Variants in HNF4G observed in about 807,000 individuals in gnomAD.
The protein encoded by HNF4G is hepatocyte nuclear factor 4 gamma.
A neutral mutation model predicts 50.9 loss-of-function variants in HNF4G; 21 were observed. The ratio of observed to expected loss-of-function variants is 0.41; its 90% CI spans 0.29 to 0.59. HNF4G has a LOEUF of 0.59. HNF4G is among the 20% of genes least tolerant of loss of function. HNF4G has a pLI of 0.26. For synonymous variants in HNF4G, 198 were observed against 185.6 expected (o/e 1.07, Z -0.54); for missense variants, 527 against 559.4 (o/e 0.94, Z 0.58).
At chr8:75,550,608 C>T (rs1400365040) in intron 3 of HNF4G, among the ~76,000 whole-genome samples, 1 of 152,020 alleles carries the variant, frequency 6.6e-6, no homozygotes, top group Admixed American at 6.6e-5. Context: ...TATTCTCTCT[C>T]TGGTAAACAT....
intron 1 of HNF4G, among the ~76,000 whole-genome samples, chr8:75,449,138 A>G (rs1811511523): frequency 6.6e-6 from 1 of 152,160 alleles, no homozygotes; most frequent in South Asian, 2.1e-4. Flanking sequence ...GTTGGATGGT[A>G]TTTGTATTTC....
chr8:75,543,384 G>A (rs1806683981), intron 1 of HNF4G, among the ~76,000 whole-genome samples: 1 of 152,052 alleles, frequency 6.6e-6, no homozygotes, highest in African/African-American at 2.4e-5. Flanking sequence ...AAGTTCTAGG[G>A]GAAAAATGAA....
upstream of HNF4G, among the ~76,000 whole-genome samples, chr8:75,536,322 T>C (rs1031259338): frequency 2.6e-5 from 4 of 152,030 alleles, no homozygotes; most frequent in Admixed American, 2.6e-4. Context: ...TGCTTCCCAA[T>C]TTAACCTTTA....
At chr8:75,449,654 C>T (rs1811531957) in intron 1 of HNF4G, among the ~76,000 whole-genome samples, 1 of 151,654 alleles carries the variant, frequency 6.6e-6, no homozygotes, top group Non-Finnish European at 1.5e-5. Context: ...CTACAGGCTC[C>T]CGCCACCACG....
chr8:75,478,646 C>T (rs1393822073), intron 1 of HNF4G, among the ~76,000 whole-genome samples: 1 of 152,168 alleles, frequency 6.6e-6, no homozygotes, highest in Non-Finnish European at 1.5e-5. Flanking sequence ...TGTATTCTTG[C>T]TCAAGCTAGT....
chr8:75,504,937 G>C (rs528060813), intron 2 of HNF4G, among the ~76,000 whole-genome samples: 2 of 151,994 alleles, frequency 1.3e-5, no homozygotes, highest in East Asian at 3.9e-4. Flanking sequence ...TATATTTGAT[G>C]GGACAAGAGA....
At chr8:75,417,053 T>C (rs1810655582) in intron 1 of HNF4G, among the ~76,000 whole-genome samples, 1 of 152,218 alleles carries the variant, frequency 6.6e-6, no homozygotes. Context: ...TATTTCTATA[T>C]ATTTATTCCG....
intron 2 of HNF4G, among the ~76,000 whole-genome samples, chr8:75,522,868 T>C (rs1806082897): frequency 6.6e-6 from 1 of 152,168 alleles, no homozygotes; most frequent in South Asian, 2.1e-4. Context: ...TCACTGGAGT[T>C]TATTTACTTT....
chr8:75,515,520 C>G (rs989287085), intron 2 of HNF4G, among the ~76,000 whole-genome samples: 4 of 152,044 alleles, frequency 2.6e-5, no homozygotes, highest in African/African-American at 9.7e-5. Context: ...CTCAGGAAAA[C>G]TAGTGTGATT....
intron 2 of HNF4G, among the ~76,000 whole-genome samples, chr8:75,508,339 G>T (rs1056066165): frequency 1.3e-5 from 2 of 149,948 alleles, no homozygotes; most frequent in African/African-American, 4.9e-5. Flanking sequence ...TTTCTGTGAG[G>T]ATTGACATGT....
At chr8:75,550,952 C>T (rs1334585078) in intron 3 of HNF4G, among the ~76,000 whole-genome samples, 5 of 151,928 alleles carry the variant, frequency 3.3e-5, no homozygotes, top group East Asian at 1.9e-4. Context: ...CATTTTTGCT[C>T]GTGTTTTATA....
chr8:75,564,819 C>G lies in HNF4G; in HGVS notation c.*723C>G, dbSNP rs1260988098. On this transcript the variant is annotated 3_prime_UTR_variant, in exon 10 of 10. Coordinates refer to ENST00000396423, the MANE Select transcript of HNF4G (RefSeq NM_004133.5). ...GAAACCCCTAAAACAGTGACTAAAT[C>G]AAGAGAGGAATCTATTTCTTTCTCC... is the stretch of plus-strand genomic sequence containing the variant. 1 of 152,134 alleles carries G rather than the reference C, an allele frequency of 6.6e-6. No individual in the cohort carries two copies. Among genetic ancestry groups the G allele is most frequent in the Non-Finnish European group, 1.5e-5 (1 of 68,012 alleles). 9.4% of individuals were successfully genotyped at this position (152,134 alleles called of 1,614,324 possible).
intron 5 of HNF4G, 90 bp downstream of exon 5, chr8:75,553,287 T>G (rs1800924): frequency 0.63 from 653,839 of 1,035,026 alleles, 211,878 homozygotes; most frequent in African/African-American, 0.93. Flanking sequence ...TAATGCATAT[T>G]CTATATTACT....
In HNF4G at chr8:75,500,999, CAT is replaced by C. The variant is rs200922253; in HGVS notation, c.-24+10792_-24+10793del. On this transcript the variant is annotated intron_variant, in intron 2 of 10. Coordinates refer to the HNF4G transcript ENST00000354370. The stretch of plus-strand genomic sequence containing the variant: ...CTAAATTATAAATAAATATAATAAA[CAT>C]GTATCTATATATAAAATGTGTTTAT... Among the ~76,000 whole-genome samples, 1,168 of 151,772 alleles carry C rather than the reference CAT, an allele frequency of 7.7e-3. 14 individuals are homozygous for C. The highest frequency in any genetic ancestry group is 0.027 in the African/African-American group (1,112 of 41,430).
chr8:75,495,568 TC>T (rs988808689), intron 2 of HNF4G: 3 of 146,324 alleles, frequency 2.1e-5, no homozygotes, highest in Non-Finnish European at 4.5e-5. Flanking sequence ...ATACAGAGTC[TC>T]CTCTGTCACC....
intron 2 of HNF4G, among the ~76,000 whole-genome samples, chr8:75,522,984 T>C (rs561098380): frequency 1.6e-4 from 25 of 152,184 alleles, no homozygotes; most frequent in African/African-American, 5.8e-4. Flanking sequence ...CCCAGCACTT[T>C]GGGAGGTCTA....
chr8:75,435,213 C>T (rs1410526915), intron 1 of HNF4G, among the ~76,000 whole-genome samples: 2 of 152,116 alleles, frequency 1.3e-5, no homozygotes, highest in East Asian at 3.9e-4. Context: ...AAATCATGAT[C>T]ACAGGTTTAT....
intron 6 of HNF4G, among the ~76,000 whole-genome samples, chr8:75,557,669 A>G (rs1267142133): frequency 2.0e-5 from 3 of 152,016 alleles, no homozygotes; most frequent in Non-Finnish European, 4.4e-5. Flanking sequence ...AATATATACA[A>G]TTCTGTTTGC....
At chr8:75,529,201 G>C (rs534668260) in intron 2 of HNF4G, among the ~76,000 whole-genome samples, 192 of 152,200 alleles carry the variant, frequency 1.3e-3, no homozygotes, top group Admixed American at 6.6e-3. Flanking sequence ...TGAGGCAGGA[G>C]AATGGCGTGA....
Sources: allele counts gnomAD v4.1 joint callset (sites outside exome capture counted in the v4.1 genomes callset), GRCh38; gene constraint gnomAD v4.1.1; transcripts MANE v1.5; gene names NCBI Gene and HGNC (gene_info 2026-07-23, HGNC 2026-07-21).